The following TGFBI variants were observed in gnomAD, a reference collection of about 807,000 sequenced individuals.
The protein encoded by TGFBI is transforming growth factor-beta-induced protein ig-h3.
Under a neutral mutation model 73.7 loss-of-function variants are expected in TGFBI, and 50 were observed. The ratio of observed to expected loss-of-function variants is 0.68; its 90% CI spans 0.54 to 0.86. The LOEUF is 0.86. Among genes scored for constraint, TGFBI ranks in the 40% least tolerant of loss-of-function variants. The pLI, the probability that TGFBI is intolerant of heterozygous loss-of-function variation, is 0.00. For missense variants in TGFBI, 839 were observed against 877.0 expected (o/e 0.96, Z 0.55); for synonymous variants, 362 against 360.5 (o/e 1.00, Z -0.05).
chr5:136,047,568 G>T (rs1028645614), intron 6 of TGFBI, 148 bp downstream of exon 6: 3 of 897,808 alleles, frequency 3.3e-6, no homozygotes, highest in Non-Finnish European at 5.1e-6. Flanking sequence ...TGAACATGGA[G>T]AATTCATTGA....
chr5:136,062,758 C>G, intron 16 of TGFBI, 71 bp downstream of exon 16: 1 of 1,473,446 alleles, frequency 6.8e-7, no homozygotes, highest in South Asian at 1.2e-5. Flanking sequence ...CCCAAGCCTG[C>G]CATCTGCTGT....
intron 14 of TGFBI, 62 bp downstream of exon 14, chr5:136,060,998 A>C: frequency 8.0e-7 from 1 of 1,254,820 alleles, no homozygotes; most frequent in South Asian, 1.7e-5. Flanking sequence ...CAGTTGGTGG[A>C]GAGAAGAAAA....
rs762458388 is a variant in TGFBI, at chr5:136,061,628, C to T, written c.1986+49C>T. Reference sequence around the variant, plus strand: ...CCTAGCCTGAGCAGCCTCAGGTCCTCTGTTTGGGCCATAGAGGAGCCTCTC... The same window carrying T: ...CCTAGCCTGAGCAGCCTCAGGTCCTTTGTTTGGGCCATAGAGGAGCCTCTC... On this transcript the variant is annotated intron_variant, in intron 15 of 16. Coordinates refer to ENST00000442011, the MANE Select transcript of TGFBI (RefSeq NM_000358.3). 4 of 1,508,388 alleles carry T rather than the reference C, an allele frequency of 2.7e-6. No individual in the cohort carries two copies. The African/African-American group carries it at 5.5e-5, about 21-fold the overall frequency. 93.4% of individuals were successfully genotyped at this position (1,508,388 alleles called of 1,614,324 possible).
At position 136,029,080 on chromosome 5, in the gene TGFBI, G is replaced by A; in HGVS notation, c.25G>A (p.Ala9Thr). ...CATGGCGCTCTTCGTGCGGCTGCTG[G>A]CTCTCGCCCTGGCTCTGGCCCTGGG... Reference protein sequence around the residue: MALFVRLLALALALALGPA... With the variant: MALFVRLLTLALALALGPA... Residue 9 changes from alanine to threonine, a missense_variant, in exon 1 of 17, where the codon GCT becomes ACT. Coordinates refer to ENST00000442011, the MANE Select transcript of TGFBI (RefSeq NM_000358.3). 5 of 1,527,642 alleles carry A rather than the reference G, an allele frequency of 3.3e-6. No homozygotes were observed. Among genetic ancestry groups the A allele is most frequent in the Non-Finnish European group, 3.5e-6 (4 of 1,144,274 alleles). 94.6% of individuals were successfully genotyped at this position (1,527,642 alleles called of 1,614,324 possible). A position where few individuals can be genotyped will look rare whatever the true frequency, so the allele number is the denominator to read the frequency against.
At chr5:136,051,052 CAT>C (rs1233953968) in intron 7 of TGFBI, among the ~76,000 whole-genome samples, 1 of 152,190 alleles carries the variant, frequency 6.6e-6, no homozygotes, top group African/African-American at 2.4e-5. Context: ...TTGGGACACA[CAT>C]AGCCTTAAGG....
chr5:136,063,416 C>T lies in TGFBI; in HGVS notation c.*190C>T. ...AGAGATGTACTTTTTAAATCATGTT[C>T]CCCCTAAACATGGCTGTTAACCCAC... is the stretch of plus-strand genomic sequence containing the variant. On this transcript the variant is annotated 3_prime_UTR_variant, in exon 17 of 17. Coordinates refer to ENST00000442011, the MANE Select transcript of TGFBI (RefSeq NM_000358.3). The T allele has an allele frequency of 1.7e-6, 1 of 598,048 alleles. No homozygotes were observed. Among genetic ancestry groups the T allele is most frequent in the Non-Finnish European group, 3.0e-6 (1 of 335,464 alleles). 37.0% of individuals were successfully genotyped at this position (598,048 alleles called of 1,614,324 possible). A position where few individuals can be genotyped will look rare whatever the true frequency, so the allele number is the denominator to read the frequency against.
At chr5:136,040,924 G>GGA (rs1751321569) in intron 2 of TGFBI, among the ~76,000 whole-genome samples, 1 of 152,190 alleles carries the variant, frequency 6.6e-6, no homozygotes, top group Non-Finnish European at 1.5e-5. Flanking sequence ...CCAGGGCCAG[G>GGA]GAGCATGGCA....
rs117753331 is a variant in TGFBI, at chr5:136,035,678, C to G, written c.233+1817C>G. 5.0e-3 allele frequency among the ~76,000 whole-genome samples: 752 copies of G among 151,558 alleles called. 6 individuals carry two copies. The highest frequency in any genetic ancestry group is 0.014 in the East Asian group (70 of 5,156). On this transcript the variant is annotated intron_variant, in intron 2 of 16. Coordinates refer to ENST00000442011, the MANE Select transcript of TGFBI (RefSeq NM_000358.3). ...ACCTTTAGTACTGATTGATTTTTTC[C>G]CATGTGTGTATATTATCTACTCAAA...
intron 2 of TGFBI, among the ~76,000 whole-genome samples, chr5:136,042,716 T>G (rs972164090): frequency 1.3e-5 from 2 of 152,196 alleles, no homozygotes; most frequent in African/African-American, 4.8e-5. Context: ...CTCAGTCATT[T>G]CCTGGGAGCC....
intron 2 of TGFBI, among the ~76,000 whole-genome samples, chr5:136,042,208 G>T (rs767718426): frequency 3.3e-5 from 5 of 152,208 alleles, no homozygotes; most frequent in Non-Finnish European, 7.3e-5. Flanking sequence ...TGGGTTCAAG[G>T]CTTGGAGCTC....
At chr5:136,047,180 CTACT>C in intron 5 of TGFBI, 90 bp from the exon 6 acceptor site, 1 of 1,560,816 alleles carries the variant, frequency 6.4e-7, no homozygotes, top group Non-Finnish European at 8.7e-7. Flanking sequence ...CCACATTTTG[CTACT>C]GTGTTTGAAA....
At chr5:136,056,311 A>G (rs1337011550) in intron 11 of TGFBI, 4 of 248,802 alleles carry the variant, frequency 1.6e-5, no homozygotes, top group Non-Finnish European at 3.1e-5. Context: ...CCACCTGCAC[A>G]AGGGCTTGGA....
At chr5:136,054,201 C>G (rs1751586216) in intron 9 of TGFBI, 121 bp downstream of exon 9, 2 of 1,345,628 alleles carry the variant, frequency 1.5e-6, no homozygotes, top group African/African-American at 2.9e-5. Flanking sequence ...CCACTCAGCT[C>G]AACCAAAAGC....
At chr5:136,034,126 G>A (rs916212521) in intron 2 of TGFBI, among the ~76,000 whole-genome samples, 2 of 152,008 alleles carry the variant, frequency 1.3e-5, no homozygotes, top group African/African-American at 4.8e-5. Flanking sequence ...CACTGCGTGT[G>A]TGTGTGTGTG....
rs982164804 is a variant in TGFBI at position 136,056,931 on chromosome 5, G to A, written c.1678+136G>A. ...AAGACTATTAGTGAAAGAGTGGGCG[G>A]GACTAAAGGAACTAGCAAAGGATGA... On this transcript the variant is annotated intron_variant, in intron 12 of 16. Transcript: ENST00000442011. The A allele has an allele frequency of 5.0e-6, 6 of 1,195,670 alleles. No homozygotes were observed. In the Admixed American group the frequency reaches 1.3e-4, roughly 26 times the overall value. The allele number at this position is 1,195,670 out of a possible 1,614,324, so 74.1% of individuals were successfully genotyped here.
intron 2 of TGFBI, among the ~76,000 whole-genome samples, chr5:136,043,110 G>T (rs1387880913): frequency 6.6e-6 from 1 of 152,230 alleles, no homozygotes; most frequent in Non-Finnish European, 1.5e-5. Context: ...CTGGCTGTTT[G>T]CATTTGGTTC....
chr5:136,034,744 A>C (rs1000751863), intron 2 of TGFBI, among the ~76,000 whole-genome samples: 3 of 152,144 alleles, frequency 2.0e-5, no homozygotes, highest in African/African-American at 7.2e-5. Flanking sequence ...CTGTTTTGGC[A>C]CTGTCAACAG....
chr5:136,047,665 G>T (rs1751455406), intron 6 of TGFBI: 2 of 515,004 alleles, frequency 3.9e-6, no homozygotes, highest in Non-Finnish European at 6.9e-6. Context: ...AAAGGTCAGT[G>T]GTGTGTGGCT....
At chr5:136,031,372 T>A (rs1751117092) in intron 1 of TGFBI, among the ~76,000 whole-genome samples, 1 of 152,252 alleles carries the variant, frequency 6.6e-6, no homozygotes, top group South Asian at 2.1e-4. Context: ...TTTGCTATTT[T>A]AAGGAATTGT....
Sources: gnomAD v4.1 joint callset for allele counts (sites outside exome capture counted in the v4.1 genomes callset) on GRCh38, gnomAD v4.1.1 for gene constraint, MANE v1.5 for transcripts, NCBI Gene and HGNC (gene_info 2026-07-23, HGNC 2026-07-21) for gene names.